The following MRTFA variants were observed in gnomAD, a reference collection of about 807,000 sequenced individuals.
MRTFA encodes the protein myocardin related transcription factor A.
A neutral mutation model predicts 83.5 loss-of-function variants in MRTFA; 20 were observed. That is an observed-to-expected ratio of 0.24 (90% CI 0.17 to 0.35). The LOEUF is 0.35. Ranked by LOEUF, MRTFA falls within the 10% of genes least tolerant of loss-of-function variation. The probability of loss-of-function intolerance (pLI) is 1.00; values close to 1 mark genes in which losing one functional copy is unlikely to be tolerated. For synonymous variants in MRTFA, 659 were observed against 541.2 expected, an observed-to-expected ratio of 1.22 and a Z score of -3.02; for missense variants, 1,200 against 1,224.7, an observed-to-expected ratio of 0.98 and a Z score of 0.30.
intron 3 of MRTFA, among the ~76,000 whole-genome samples, chr22:40,545,691 C>A (rs1311596726): frequency 1.3e-5 from 2 of 151,710 alleles, no homozygotes; most frequent in Non-Finnish European, 2.9e-5. Context: ...CCTCGGCCTC[C>A]CAAAGTGCTG....
At chr22:40,555,623 T>C (rs1428197973) in intron 2 of MRTFA, among the ~76,000 whole-genome samples, 6 of 151,108 alleles carry the variant, frequency 4.0e-5, no homozygotes, top group Non-Finnish European at 7.4e-5. Context: ...CTGAATCCTA[T>C]GTAGTTAGTA....
chr22:40,580,613 G>A (rs2055933955), intron 2 of MRTFA, among the ~76,000 whole-genome samples: 1 of 152,176 alleles, frequency 6.6e-6, no homozygotes, highest in Non-Finnish European at 1.5e-5. Flanking sequence ...TTTTAAGAAA[G>A]AGAATATTGG....
At chr22:40,526,088 T>A (rs1422626335) in intron 3 of MRTFA, 1 of 151,984 alleles carries the variant, frequency 6.6e-6, no homozygotes. Flanking sequence ...CAGTCATAGC[T>A]CACTGCCACC....
At chr22:40,475,214 T>G (rs2053973139) in intron 3 of MRTFA, among the ~76,000 whole-genome samples, 1 of 152,160 alleles carries the variant, frequency 6.6e-6, no homozygotes, top group Admixed American at 6.6e-5. Flanking sequence ...TTACACAGAT[T>G]TGTATCTCTA....
chr22:40,574,718 G>GCCA (rs1389725138), intron 2 of MRTFA, among the ~76,000 whole-genome samples: 1 of 147,310 alleles, frequency 6.8e-6, no homozygotes, highest in Non-Finnish European at 1.5e-5. Flanking sequence ...ATAGATGTTA[G>GCCA]CCACCATGCC....
In MRTFA at chr22:40,502,207, G is replaced by A. The variant is rs1232413306; in HGVS notation, c.242-38921C>T. 8.5e-5 allele frequency among the ~76,000 whole-genome samples: 12 copies of A among 141,992 alleles called. No homozygotes were observed. In the East Asian group the frequency reaches 2.2e-3, roughly 26 times the overall value. 93.2% of individuals were successfully genotyped at this position (141,992 alleles called of 152,430 possible). The stretch of plus-strand genomic sequence containing the variant: ...GACGGGGTGGCTGCCGGGCGGAGAC[G>A]CTCCTCACTTCCCAGATGGGGTGGC... On this transcript the variant is annotated intron_variant, in intron 3 of 14. Coordinates refer to ENST00000355630, the MANE Select transcript of MRTFA (RefSeq NM_020831.6).
chr22:40,477,056 G>A (rs1414705743), intron 3 of MRTFA, among the ~76,000 whole-genome samples: 10 of 151,804 alleles, frequency 6.6e-5, no homozygotes, highest in Non-Finnish European at 1.5e-5. Flanking sequence ...CTGGCCAGGT[G>A]CGGTGGCTCA....
chr22:40,441,015 C>T (rs2053265098), intron 4 of MRTFA, among the ~76,000 whole-genome samples: 1 of 152,158 alleles, frequency 6.6e-6, no homozygotes, highest in Non-Finnish European at 1.5e-5. Flanking sequence ...GCATATTACT[C>T]AAAACTGCAT....
rs2052478021 is a variant in MRTFA at position 40,410,527 on chromosome 22, G to A, written c.*863C>T. 2 of 233,398 alleles carry A rather than the reference G, an allele frequency of 8.6e-6. No homozygotes were observed. Among genetic ancestry groups the A allele is most frequent in the Non-Finnish European group, 1.7e-5 (2 of 117,876 alleles). 14.5% of individuals were successfully genotyped at this position (233,398 alleles called of 1,614,324 possible). A position where few individuals can be genotyped will look rare whatever the true frequency, so the allele number is the denominator to read the frequency against. The stretch of plus-strand genomic sequence containing the variant: ...GGCGGCGGGGACGGAATGTGAGTGG[G>A]TGGAGAGCTCCTGGCAGGAAGGCCA... On this transcript the variant is annotated 3_prime_UTR_variant, in exon 15 of 15. Coordinates refer to ENST00000355630, the MANE Select transcript of MRTFA (RefSeq NM_020831.6).
intron 3 of MRTFA, among the ~76,000 whole-genome samples, chr22:40,494,907 G>C (rs1437497310): frequency 6.6e-6 from 1 of 152,140 alleles, no homozygotes; most frequent in Non-Finnish European, 1.5e-5. Context: ...AGGCATAATG[G>C]AATTTTGGGA....
In MRTFA at chr22:40,489,871, C is replaced by T. The variant is rs144084989; in HGVS notation, c.242-26585G>A. 6.1e-3 allele frequency among the ~76,000 whole-genome samples: 898 copies of T among 146,056 alleles called. 20 individuals are homozygous for T. In the Middle Eastern group the frequency reaches 0.067, roughly 11 times the overall value. On this transcript the variant is annotated intron_variant, in intron 3 of 14. Transcript: ENST00000355630. ...GCGAGCACCTGTAATCCCTGCTACT[C>T]GGGAGGCTGAGGCAAGAGAATCGCT... is the stretch of plus-strand genomic sequence containing the variant.
At chr22:40,476,277 A>T (rs896185634) in intron 3 of MRTFA, among the ~76,000 whole-genome samples, 8 of 152,086 alleles carry the variant, frequency 5.3e-5, no homozygotes, top group South Asian at 4.1e-4. Flanking sequence ...TGCGCCCACG[A>T]GTCTGTCCTG....
chr22:40,574,707 T>A (rs117423948), intron 2 of MRTFA, among the ~76,000 whole-genome samples: 12,502 of 151,880 alleles, frequency 0.082, 755 homozygotes, highest in East Asian at 0.25. Context: ...GTGCTGGGAT[T>A]ATAGATGTTA....
intron 1 of MRTFA, among the ~76,000 whole-genome samples, chr22:40,616,783 T>C (rs972390415): frequency 2.6e-5 from 4 of 151,940 alleles, no homozygotes; most frequent in Non-Finnish European, 5.9e-5. Context: ...CCAATGGAGA[T>C]AGAAAGTGAC....
chr22:40,542,982 A>G (rs1014291754), intron 3 of MRTFA, among the ~76,000 whole-genome samples: 1 of 152,224 alleles, frequency 6.6e-6, no homozygotes, highest in African/African-American at 2.4e-5. Flanking sequence ...TCTATCTGGT[A>G]TCTATTCTCC....
At chr22:40,473,742 C>T (rs2053951136) in intron 3 of MRTFA, among the ~76,000 whole-genome samples, 1 of 152,184 alleles carries the variant, frequency 6.6e-6, no homozygotes, top group Non-Finnish European at 1.5e-5. Flanking sequence ...GAATACCCAT[C>T]TTTGCAACAG....
chr22:40,574,915 T>A (rs2055847263), intron 2 of MRTFA, among the ~76,000 whole-genome samples: 1 of 152,220 alleles, frequency 6.6e-6, no homozygotes, highest in African/African-American at 2.4e-5. Flanking sequence ...TGTGAACTTG[T>A]GATAACCAAA....
At chr22:40,477,683 A>T (rs1051837424) in intron 3 of MRTFA, among the ~76,000 whole-genome samples, 2 of 151,982 alleles carry the variant, frequency 1.3e-5, no homozygotes, top group Admixed American at 1.3e-4. Context: ...CTCCAACAAG[A>T]TAATTTATTC....
intron 2 of MRTFA, chr22:40,586,823 C>T: frequency 2.6e-6 from 1 of 391,158 alleles, no homozygotes; most frequent in Non-Finnish European, 5.1e-6. Context: ...AACCTTCTTT[C>T]CTTTCTTCCC....
Sources: gnomAD v4.1 joint callset for allele counts (sites outside exome capture counted in the v4.1 genomes callset) on GRCh38, gnomAD v4.1.1 for gene constraint, MANE v1.5 for transcripts, NCBI Gene and HGNC (gene_info 2026-07-23, HGNC 2026-07-21) for gene names.